Variants in FILIP1L observed in about 807,000 individuals in gnomAD.
FILIP1L encodes the protein filamin A-interacting protein 1-like.
In FILIP1L, 55 loss-of-function variants were observed where a neutral mutation model predicts 96.6. That is an observed-to-expected ratio of 0.57 (90% CI 0.46 to 0.71). The LOEUF (loss-of-function observed/expected upper bound fraction) is 0.71. Among genes scored for constraint, FILIP1L ranks in the 30% least tolerant of loss-of-function variants. The probability of loss-of-function intolerance (pLI) is 0.00; values close to 1 mark genes in which losing one functional copy is unlikely to be tolerated. For synonymous variants in FILIP1L, 467 were observed against 473.9 expected, an observed-to-expected ratio of 0.99 and a Z score of 0.19; for missense variants, 1,304 against 1,321.2, an observed-to-expected ratio of 0.99 and a Z score of 0.20.
chr3:99,925,911 C>T (rs1707278825), intron 3 of FILIP1L: 1 of 984,378 alleles, frequency 1.0e-6, no homozygotes, highest in Non-Finnish European at 1.2e-6. Context: ...ACGGGGTAAG[C>T]TGCCACCAGA....
intron 1 of FILIP1L, among the ~76,000 whole-genome samples, chr3:100,042,602 T>C (rs181203340): frequency 1.3e-5 from 2 of 152,324 alleles, no homozygotes; most frequent in Admixed American, 1.3e-4. Context: ...TTAACCAGAG[T>C]ACATAATTAG....
intron 4 of FILIP1L, among the ~76,000 whole-genome samples, chr3:99,906,871 C>G (rs1706634246): frequency 6.6e-6 from 1 of 152,200 alleles, no homozygotes; most frequent in Non-Finnish European, 1.5e-5. Flanking sequence ...TGCCCTAACT[C>G]CCTACCATGC....
chr3:99,921,700 C>G (rs1033868243), intron 4 of FILIP1L, among the ~76,000 whole-genome samples: 23 of 152,216 alleles, frequency 1.5e-4, no homozygotes, highest in African/African-American at 5.3e-4. Context: ...GGTAAAGAAT[C>G]CTATAAAGGA....
At position 100,021,450 on chromosome 3, in the gene FILIP1L, C is replaced by T. The variant is rs564512199; in HGVS notation, c.-10-90420G>A. ...AAGACACTTTGGGAGAGGAGGAACC[C>T]TTCCCGGAATTTCAGAAGTCTCCTT... is the stretch of plus-strand genomic sequence containing the variant. On this transcript the variant is annotated intron_variant, in intron 1 of 5. Coordinates refer to ENST00000477258, the MANE Select transcript of FILIP1L (RefSeq NM_001387850.1). 2.6e-5 allele frequency among the ~76,000 whole-genome samples: 4 copies of T among 152,218 alleles called. No homozygotes were observed. The South Asian group carries it at 6.2e-4, about 24-fold the overall frequency.
At chr3:100,066,043 T>C (rs1041428415) in intron 1 of FILIP1L, among the ~76,000 whole-genome samples, 1 of 152,222 alleles carries the variant, frequency 6.6e-6, no homozygotes, top group Admixed American at 6.5e-5. Context: ...CACATTAAAG[T>C]TTGAGAGCCA....
At chr3:99,989,978 A>G (rs971015219) in intron 1 of FILIP1L, among the ~76,000 whole-genome samples, 8 of 152,144 alleles carry the variant, frequency 5.3e-5, no homozygotes, top group African/African-American at 1.4e-4. Flanking sequence ...ACCCAAAGCA[A>G]TAATGCCAGT....
At chr3:100,036,577 C>T (rs138949027) in intron 1 of FILIP1L, among the ~76,000 whole-genome samples, 1 of 152,278 alleles carries the variant, frequency 6.6e-6, no homozygotes, top group East Asian at 1.9e-4. Context: ...AGAATGCCTA[C>T]TAATAAATGT....
intron 1 of FILIP1L, among the ~76,000 whole-genome samples, chr3:100,043,673 T>C (rs2065239800): frequency 6.6e-6 from 1 of 152,198 alleles, no homozygotes; most frequent in African/African-American, 2.4e-5. Context: ...TTTTTAAAAC[T>C]TTTTTTACAA....
chr3:99,895,924 A>T (rs145967497), intron 4 of FILIP1L, among the ~76,000 whole-genome samples: 6 of 152,270 alleles, frequency 3.9e-5, no homozygotes, highest in African/African-American at 1.2e-4. Context: ...CCCATCATCT[A>T]TGTTTGGTCA....
intron 1 of FILIP1L, among the ~76,000 whole-genome samples, chr3:99,949,240 G>C (rs918074798): frequency 6.6e-6 from 1 of 152,058 alleles, no homozygotes. Context: ...CTGAGGCTAG[G>C]CCTACAAAAA....
At chr3:99,895,462 G>A (rs1015969540) in intron 4 of FILIP1L, among the ~76,000 whole-genome samples, 4 of 149,630 alleles carry the variant, frequency 2.7e-5, no homozygotes, top group South Asian at 4.2e-4. Context: ...ATTTCCTTCC[G>A]CTCATGGGCA....
At chr3:99,867,394 C>G (rs1291237074) in intron 4 of FILIP1L, among the ~76,000 whole-genome samples, 1 of 152,178 alleles carries the variant, frequency 6.6e-6, no homozygotes, top group Admixed American at 6.5e-5. Context: ...AGAAGGCAAA[C>G]TATCTCAGGT....
At chr3:100,021,960 T>TGTGTGTGTGAGA (rs1321185364) in intron 1 of FILIP1L, among the ~76,000 whole-genome samples, 40 of 93,320 alleles carry the variant, frequency 4.3e-4, no homozygotes, top group East Asian at 1.4e-3. Flanking sequence ...TGTGTGTGTG[T>TGTGTGTGTGAGA]GAGAGAGAGA....
chr3:99,947,781 A>G (rs1282561114), intron 1 of FILIP1L, among the ~76,000 whole-genome samples: 1 of 152,244 alleles, frequency 6.6e-6, no homozygotes, highest in African/African-American at 2.4e-5. Context: ...GTAGACCACT[A>G]TACTACCTTT....
At chr3:99,956,756 A>C (rs1246102120) in intron 1 of FILIP1L, among the ~76,000 whole-genome samples, 1 of 152,012 alleles carries the variant, frequency 6.6e-6, no homozygotes, top group Non-Finnish European at 1.5e-5. Flanking sequence ...TTCTTTTTCC[A>C]CAACTTTATA....
At chr3:100,089,144 C>T (rs553407450) in intron 1 of FILIP1L, among the ~76,000 whole-genome samples, 1 of 152,306 alleles carries the variant, frequency 6.6e-6, no homozygotes, top group Non-Finnish European at 1.5e-5. Context: ...ATATAGTTAA[C>T]ATGAAGTGTC....
Position 99,983,474 on chromosome 3 carries a change from A to ATG in FILIP1L, c.-10-52445_-10-52444insCA, listed in dbSNP as rs1709223763. Among the ~76,000 whole-genome samples, 5 of 16,700 alleles carry ATG rather than the reference A, an allele frequency of 3.0e-4. No homozygotes were observed. The Admixed American group carries it at 3.3e-3, about 11-fold the overall frequency. 11.0% of individuals were successfully genotyped at this position (16,700 alleles called of 152,430 possible). ...TATATATATATGTGTGTATATATAT[A>ATG]TATATATATATATATATATATATAT... On this transcript the variant is annotated intron_variant, in intron 1 of 5. Coordinates refer to ENST00000477258, the MANE Select transcript of FILIP1L (RefSeq NM_001387850.1).
At chr3:100,050,852 G>A (rs942199254) in intron 1 of FILIP1L, among the ~76,000 whole-genome samples, 1 of 152,100 alleles carries the variant, frequency 6.6e-6, no homozygotes, top group African/African-American at 2.4e-5. Context: ...TGTTAAATTA[G>A]CGGCTTTAAC....
intron 1 of FILIP1L, among the ~76,000 whole-genome samples, chr3:100,022,274 T>C (rs1401032893): frequency 1.3e-5 from 2 of 152,130 alleles, no homozygotes; most frequent in Non-Finnish European, 2.9e-5. Context: ...GAGCAGACCT[T>C]CCATTGGTCC....
Sources: allele counts gnomAD v4.1 joint callset (sites outside exome capture counted in the v4.1 genomes callset), GRCh38; gene constraint gnomAD v4.1.1; transcripts MANE v1.5; gene names NCBI Gene and HGNC (gene_info 2026-07-23, HGNC 2026-07-21).